The following CACNA1C variants were observed in gnomAD, a reference collection of about 807,000 sequenced individuals.
The protein encoded by CACNA1C is calcium voltage-gated channel subunit alpha1 C, also known as voltage-dependent L-type calcium channel subunit alpha-1C.
A neutral mutation model predicts 229.0 loss-of-function variants in CACNA1C; 30 were observed. The ratio of observed to expected loss-of-function variants is 0.13; its 90% CI spans 0.10 to 0.18. CACNA1C has a LOEUF of 0.18. CACNA1C is among the 10% of genes least tolerant of loss of function. CACNA1C has a pLI of 1.00. For missense variants in CACNA1C, 1,658 were observed against 2,845.0 expected (o/e 0.58, Z 9.49); for synonymous variants, 1,114 against 1,132.5 (o/e 0.98, Z 0.33).
At chr12:2,583,543 C>T (rs1267829749) in intron 15 of CACNA1C, among the ~76,000 whole-genome samples, 1 of 152,172 alleles carries the variant, frequency 6.6e-6, no homozygotes. Flanking sequence ...GAGTCACGTC[C>T]AGAGCCAGGG....
intron 3 of CACNA1C, among the ~76,000 whole-genome samples, chr12:2,262,365 C>T (rs547395981): frequency 1.3e-5 from 2 of 152,344 alleles, no homozygotes; most frequent in South Asian, 4.1e-4. Flanking sequence ...CTATTAAACA[C>T]CTGGTGTGTT....
At chr12:2,025,752 G>A (rs868386087) in intron 1 of CACNA1C, among the ~76,000 whole-genome samples, 12 of 152,176 alleles carry the variant, frequency 7.9e-5, no homozygotes, top group South Asian at 4.1e-4. Context: ...TTCACTGGCC[G>A]AGCAGAGCCA....
Position 2,006,839 on chromosome 12 carries a change from G to A in CACNA1C, c.139+35638G>A, listed in dbSNP as rs181117513. Among the ~76,000 whole-genome samples, 782 of 152,270 alleles carry A rather than the reference G, an allele frequency of 5.1e-3. 3 individuals are homozygous for A. Among genetic ancestry groups the A allele is most frequent in the Non-Finnish European group, 8.6e-3 (584 of 68,016 alleles). On this transcript the variant is annotated intron_variant, in intron 1 of 46. Transcript: ENST00000682462. ...ATATATTTATACCTGATATTAACTA[G>A]AATAAATGTTTCAATACTAAGTATA...
intron 43 of CACNA1C, among the ~76,000 whole-genome samples, chr12:2,684,853 A>C (rs113171262): frequency 0.02 from 3,114 of 152,306 alleles, 78 homozygotes; most frequent in African/African-American, 0.054. Context: ...GCCTTCCTGC[A>C]CATCTATAAA....
At chr12:2,390,886 CTTAGTAGA>C (rs1230280466) in intron 3 of CACNA1C, among the ~76,000 whole-genome samples, 1 of 152,096 alleles carries the variant, frequency 6.6e-6, no homozygotes, top group Non-Finnish European at 1.5e-5. Context: ...CATGCTGGAG[CTTAGTAGA>C]CACATCTGGT....
At chr12:2,198,785 C>T (rs961567850) in intron 3 of CACNA1C, among the ~76,000 whole-genome samples, 7 of 152,032 alleles carry the variant, frequency 4.6e-5, no homozygotes, top group African/African-American at 1.7e-4. Flanking sequence ...GTGGCCGGCC[C>T]TCATTCCCAC....
chr12:2,035,052 C>T (rs1227818815), intron 1 of CACNA1C, among the ~76,000 whole-genome samples: 1 of 152,228 alleles, frequency 6.6e-6, no homozygotes, highest in Admixed American at 6.5e-5. Flanking sequence ...ACAGCCCCGT[C>T]GTCCACCTCA....
intron 3 of CACNA1C, among the ~76,000 whole-genome samples, chr12:2,290,966 A>G (rs2093433034): frequency 6.6e-6 from 1 of 152,184 alleles, no homozygotes; most frequent in South Asian, 2.1e-4. Context: ...AAGTGATATC[A>G]GGGGGTTTAC....
chr12:2,587,038 G>A (rs150087932), intron 18 of CACNA1C, among the ~76,000 whole-genome samples: 4 of 152,170 alleles, frequency 2.6e-5, no homozygotes, highest in Non-Finnish European at 5.9e-5. Context: ...TTAAAATGAC[G>A]TTTTAGAGGG....
At chr12:2,373,763 C>T (rs1036535694) in intron 3 of CACNA1C, among the ~76,000 whole-genome samples, 2 of 152,168 alleles carry the variant, frequency 1.3e-5, no homozygotes, top group Non-Finnish European at 2.9e-5. Context: ...TTCCTTTTGC[C>T]TTTCCATTAG....
At chr12:2,547,233 T>C (rs1287235762) in intron 9 of CACNA1C, among the ~76,000 whole-genome samples, 2 of 152,224 alleles carry the variant, frequency 1.3e-5, no homozygotes, top group Non-Finnish European at 2.9e-5. Flanking sequence ...TGTTTTGTGA[T>C]GTTAATTCAT....
chr12:2,126,418 C>T (rs1237476181), intron 3 of CACNA1C, among the ~76,000 whole-genome samples: 2 of 152,234 alleles, frequency 1.3e-5, no homozygotes, highest in Non-Finnish European at 1.5e-5. Flanking sequence ...GTTGAACAAG[C>T]TCTGCAAGCG....
At chr12:1,970,961 G>T in exon 1 of CACNA1C, 7 of 614,970 alleles carry the variant, frequency 1.1e-5, no homozygotes, top group Non-Finnish European at 1.6e-5. Flanking sequence ...AAATGTTACT[G>T]CAGGAATAGC....
intron 3 of CACNA1C, among the ~76,000 whole-genome samples, chr12:2,286,773 C>T (rs1044195499): frequency 1.3e-5 from 2 of 152,098 alleles, no homozygotes; most frequent in Admixed American, 6.5e-5. Context: ...GGGAAATGTG[C>T]GTTGGGAACT....
intron 3 of CACNA1C, among the ~76,000 whole-genome samples, chr12:2,244,245 C>A (rs866318720): frequency 6.6e-6 from 1 of 152,240 alleles, no homozygotes. Context: ...AAGGGGCCTT[C>A]GGCTCCCCTA....
chr12:2,510,990 CAA>C (rs960053194), intron 8 of CACNA1C, among the ~76,000 whole-genome samples: 1 of 152,168 alleles, frequency 6.6e-6, no homozygotes, highest in Non-Finnish European at 1.5e-5. Flanking sequence ...AGGGAAGGAG[CAA>C]AGTTTCCCTC....
chr12:2,112,384 C>T (rs1440732251), intron 1 of CACNA1C, among the ~76,000 whole-genome samples: 4 of 152,064 alleles, frequency 2.6e-5, no homozygotes, highest in Admixed American at 6.5e-5. Context: ...AGGACAGGGA[C>T]GAGTTACAGG....
intron 1 of CACNA1C, chr12:1,991,917 T>C (rs2039520150): frequency 6.0e-6 from 1 of 167,034 alleles, no homozygotes; most frequent in South Asian, 1.5e-4. Flanking sequence ...TGATTACAGG[T>C]AACTTTGTAG....
chr12:2,060,122 A>G (rs2056905164), intron 1 of CACNA1C, among the ~76,000 whole-genome samples: 1 of 152,168 alleles, frequency 6.6e-6, no homozygotes, highest in African/African-American at 2.4e-5. Flanking sequence ...CTGCAAACAG[A>G]TCTGCCTCTA....
Sources: allele counts gnomAD v4.1 joint callset (sites outside exome capture counted in the v4.1 genomes callset), GRCh38; gene constraint gnomAD v4.1.1; transcripts MANE v1.5; gene names NCBI Gene and HGNC (gene_info 2026-07-23, HGNC 2026-07-21).